Variants in WDR17 observed in about 807,000 individuals in gnomAD.
WDR17 encodes the protein WD repeat domain 17.
In WDR17, 143 loss-of-function variants were observed where a neutral mutation model predicts 161.7. The observed-to-expected ratio is 0.88, with a 90% confidence interval of 0.77 to 1.02. The LOEUF (loss-of-function observed/expected upper bound fraction) is 1.02. Among genes scored for constraint, WDR17 ranks in the 50% least tolerant of loss-of-function variants. The pLI is 0.00. For synonymous variants in WDR17, 517 were observed against 515.6 expected (o/e 1.00, Z -0.04); for missense variants, 1,469 against 1,520.9 (o/e 0.97, Z 0.57).
intron 1 of WDR17, among the ~76,000 whole-genome samples, chr4:176,100,923 T>A (rs946641840): frequency 6.6e-6 from 1 of 152,146 alleles, no homozygotes; most frequent in African/African-American, 2.4e-5. Flanking sequence ...CTGGGATCTC[T>A]ATTCTCTTCC....
chr4:176,136,543 G>T (rs1234624598), intron 8 of WDR17, among the ~76,000 whole-genome samples: 1 of 151,654 alleles, frequency 6.6e-6, no homozygotes, highest in Non-Finnish European at 1.5e-5. Context: ...AAGTAAAAAT[G>T]TTAGAAAATG....
intron 13 of WDR17, 70 bp from the exon 14 acceptor site, chr4:176,149,737 T>G (rs1746801326): frequency 3.8e-6 from 6 of 1,573,748 alleles, no homozygotes; most frequent in African/African-American, 2.8e-5. Flanking sequence ...AGAAGTTTTA[T>G]GAAGCACATA....
chr4:176,067,893 A>C (rs1275339837), intron 1 of WDR17, among the ~76,000 whole-genome samples: 2 of 152,220 alleles, frequency 1.3e-5, no homozygotes, highest in African/African-American at 4.8e-5. Context: ...TAGAAGTCCA[A>C]CATGAATGAT....
intron 1 of WDR17, 162 bp from the exon 2 acceptor site, chr4:176,111,413 G>C (rs1245370104): frequency 1.8e-6 from 1 of 565,956 alleles, no homozygotes; most frequent in Non-Finnish European, 2.7e-6. Context: ...GACATTTAGG[G>C]AGTTCAACTG....
intron 1 of WDR17, among the ~76,000 whole-genome samples, chr4:176,107,469 A>G (rs1160801085): frequency 1.3e-5 from 2 of 150,104 alleles, no homozygotes; most frequent in African/African-American, 4.9e-5. Flanking sequence ...TGTGGAAGAG[A>G]TATTTGTACA....
chr4:176,155,733 A>ATG (rs1748011081), intron 17 of WDR17, among the ~76,000 whole-genome samples: 1 of 146,590 alleles, frequency 6.8e-6, no homozygotes, highest in Admixed American at 6.8e-5. Flanking sequence ...ATATATATAT[A>ATG]TATGTTTTGG....
rs776673265 is a variant in WDR17, at chr4:176,155,923, G to A, written c.2461-156G>A. Among the ~76,000 whole-genome samples, 74 of 150,970 alleles carry A rather than the reference G, an allele frequency of 4.9e-4. 1 individual carries two copies. Among genetic ancestry groups the A allele is most frequent in the Admixed American group, 3.3e-4 (5 of 15,182 alleles). ...CTTTAAAGATTTTTTTTAAGACTAC[G>A]GAACAAAAAGAAGTCAGAAAGTACC... On this transcript the variant is annotated intron_variant, in intron 17 of 28. Transcript: ENST00000508596.
chr4:176,176,846 T>C (rs1751521942), intron 26 of WDR17, among the ~76,000 whole-genome samples: 1 of 152,204 alleles, frequency 6.6e-6, no homozygotes, highest in African/African-American at 2.4e-5. Context: ...CCAATGTTTA[T>C]TGAATAACTT....
At chr4:176,071,556 C>T (rs1046978238) in intron 1 of WDR17, among the ~76,000 whole-genome samples, 4 of 152,132 alleles carry the variant, frequency 2.6e-5, no homozygotes, top group Admixed American at 6.5e-5. Flanking sequence ...CTCCTGACCT[C>T]GGCCCACCTT....
In WDR17 at chr4:176,177,507, T is replaced by C. The variant is rs2126900957; in HGVS notation, c.3585T>C (p.Asp1195=). The C allele has an allele frequency of 2.5e-6, 4 of 1,582,466 alleles. No homozygotes were observed. Among genetic ancestry groups the C allele is most frequent in the Non-Finnish European group, 3.4e-6 (4 of 1,171,488 alleles). The change falls in exon 28 of 29, where the codon GAT becomes GAC. Residue 1195 remains aspartate, a synonymous_variant. Coordinates refer to ENST00000508596, the MANE Select transcript of WDR17 (RefSeq NM_181265.4). The stretch of plus-strand genomic sequence containing the variant: ...ACTCTCCGTATACACCCCCTTCTGA[T>C]TCACAAAGAATGATTTATGCAACTT... ...LEDSPYTPPS[D]SQRMIYATLL...
chr4:176,168,761 A>C lies in WDR17; in HGVS notation c.3080A>C (p.Glu1027Ala), dbSNP rs1446662569. The stretch of plus-strand genomic sequence containing the variant: ...GCTTTCTACCCAGGATGTACTGAAG[A>C]GATAAATGACCTTCATGATAAGGTA... ...LCAFYPGCTE[E>A]INDLHDKCKL... Residue 1027 changes from glutamate to alanine, a missense_variant, in exon 23 of 29, where the codon GAG (glutamate) becomes GCG (alanine). Coordinates refer to ENST00000508596, the MANE Select transcript of WDR17 (RefSeq NM_181265.4). 6.2e-7 allele frequency: 1 copy of C among 1,611,482 alleles called. No homozygotes were observed. The highest frequency in any genetic ancestry group is 1.1e-5 in the South Asian group (1 of 90,482).
chr4:176,150,606 T>C lies in WDR17; in HGVS notation c.2304+13T>C, dbSNP rs373321100. On this transcript the variant is annotated intron_variant, in intron 16 of 28. Coordinates refer to ENST00000508596, the MANE Select transcript of WDR17 (RefSeq NM_181265.4). ...TAAATTTAGAACAGTGAGTAAAATA[T>C]GCAAATATGATGTACTCAAGCAAAT... The C allele has an allele frequency of 1.9e-6, 3 of 1,580,082 alleles. No homozygotes were observed. In the African/African-American group the frequency reaches 4.1e-5, roughly 22 times the overall value.
intron 1 of WDR17, among the ~76,000 whole-genome samples, chr4:176,097,241 A>G (rs1403370883): frequency 6.6e-6 from 1 of 151,918 alleles, no homozygotes; most frequent in East Asian, 1.9e-4. Flanking sequence ...AAATTTCTTG[A>G]TTATTTAAAT....
intron 17 of WDR17, among the ~76,000 whole-genome samples, chr4:176,153,796 A>G (rs1747619733): frequency 6.6e-6 from 1 of 152,248 alleles, no homozygotes; most frequent in African/African-American, 2.4e-5. Context: ...AAGAAAAACA[A>G]TGAATTACTG....
intron 5 of WDR17, among the ~76,000 whole-genome samples, chr4:176,127,813 A>T (rs942633638): frequency 1.3e-5 from 2 of 152,140 alleles, no homozygotes; most frequent in East Asian, 1.9e-4. Context: ...ACAGTCCCGG[A>T]TACACACATG....
At chr4:176,093,174 T>C (rs1200130194) in intron 1 of WDR17, among the ~76,000 whole-genome samples, 1 of 152,032 alleles carries the variant, frequency 6.6e-6, no homozygotes, top group Admixed American at 6.6e-5. Flanking sequence ...CTATAAAACA[T>C]TGATGAAACT....
chr4:176,108,639 A>G (rs572423765), intron 1 of WDR17, among the ~76,000 whole-genome samples: 9 of 152,104 alleles, frequency 5.9e-5, no homozygotes, highest in South Asian at 2.1e-4. Context: ...CTGAGTGTTA[A>G]TAGTGGGGAA....
At chr4:176,141,581 C>T (rs1198976685) in intron 10 of WDR17, among the ~76,000 whole-genome samples, 2 of 152,036 alleles carry the variant, frequency 1.3e-5, no homozygotes, top group Non-Finnish European at 1.5e-5. Context: ...AGGTGTGCAC[C>T]ACCACGCCTG....
intron 23 of WDR17, 35 bp downstream of exon 23, chr4:176,168,818 T>C (rs776249075): frequency 6.3e-7 from 1 of 1,593,792 alleles, no homozygotes; most frequent in South Asian, 1.1e-5. Flanking sequence ...TGGTTTGGAA[T>C]GCAGTGCTAT....
Sources: allele counts gnomAD v4.1 joint callset (sites outside exome capture counted in the v4.1 genomes callset), GRCh38; gene constraint gnomAD v4.1.1; transcripts MANE v1.5; gene names NCBI Gene and HGNC (gene_info 2026-07-23, HGNC 2026-07-21).